The following SH3BGR variants were observed in gnomAD, a reference collection of about 807,000 sequenced individuals.
SH3BGR encodes SH3 domain binding glutamate rich protein.
In SH3BGR, 29 loss-of-function variants were observed where a neutral mutation model predicts 24.5. That is an observed-to-expected ratio of 1.18 (90% CI 0.88 to 1.61). SH3BGR has a LOEUF of 1.61. Among genes scored for constraint, SH3BGR ranks in the 40% most tolerant of loss-of-function variants. SH3BGR has a pLI of 0.00. For missense variants in SH3BGR, 162 were observed against 205.8 expected, an observed-to-expected ratio of 0.79 and a Z score of 1.30; for synonymous variants, 55 against 65.7, an observed-to-expected ratio of 0.84 and a Z score of 0.79.
At chr21:39,487,930 T>C (rs550080301) in intron 3 of SH3BGR, among the ~76,000 whole-genome samples, 1 of 152,270 alleles carries the variant, frequency 6.6e-6, no homozygotes, top group South Asian at 2.1e-4. Context: ...GAAGGAGCTT[T>C]GGAGGAACAT....
chr21:39,457,365 A>G (rs2077675916), intron 1 of SH3BGR, among the ~76,000 whole-genome samples: 1 of 143,450 alleles, frequency 7.0e-6, no homozygotes, highest in Non-Finnish European at 1.5e-5. Flanking sequence ...TATAAATCTT[A>G]TATATAAGAT....
At chr21:39,464,886 T>G (rs2077815005) in intron 2 of SH3BGR, among the ~76,000 whole-genome samples, 1 of 152,172 alleles carries the variant, frequency 6.6e-6, no homozygotes, top group South Asian at 2.1e-4. Context: ...TAAAATCATT[T>G]CTATTATATA....
chr21:39,499,701 G>C, intron 3 of SH3BGR, 122 bp from the exon 4 acceptor site: 1 of 654,270 alleles, frequency 1.5e-6, no homozygotes. Context: ...TGAGTGGGCA[G>C]TCTATGTTTG....
At chr21:39,453,266 G>A (rs1035905805) in intron 1 of SH3BGR, among the ~76,000 whole-genome samples, 1 of 152,224 alleles carries the variant, frequency 6.6e-6, no homozygotes, top group African/African-American at 2.4e-5. Flanking sequence ...TATTGTTTTA[G>A]TGATCTCTAG....
chr21:39,483,282 T>G (rs370247256), intron 3 of SH3BGR, among the ~76,000 whole-genome samples: 1 of 152,348 alleles, frequency 6.6e-6, no homozygotes, highest in East Asian at 1.9e-4. Flanking sequence ...CAATCTCATA[T>G]TTTCAGCAAC....
chr21:39,454,236 G>A (rs1484706851), intron 1 of SH3BGR, among the ~76,000 whole-genome samples: 1 of 152,204 alleles, frequency 6.6e-6, no homozygotes, highest in Non-Finnish European at 1.5e-5. Flanking sequence ...CTACTGTGTG[G>A]CAGTCAGTCT....
At chr21:39,499,607 A>G (rs953310329) in intron 3 of SH3BGR, among the ~76,000 whole-genome samples, 8 of 152,156 alleles carry the variant, frequency 5.3e-5, no homozygotes, top group African/African-American at 1.4e-4. Context: ...TTACCCTGCA[A>G]TGCACATAGG....
At chr21:39,502,156 G>C (rs184711547) in intron 4 of SH3BGR, among the ~76,000 whole-genome samples, 1 of 152,318 alleles carries the variant, frequency 6.6e-6, no homozygotes, top group East Asian at 1.9e-4. Context: ...CTGGGCAATA[G>C]AGTAAGACCA....
At chr21:39,504,299 G>GCA (rs2078545862) in intron 4 of SH3BGR, among the ~76,000 whole-genome samples, 2 of 152,146 alleles carry the variant, frequency 1.3e-5, no homozygotes, top group Admixed American at 6.5e-5. Flanking sequence ...GTCTCAGCCT[G>GCA]GGTCCCTGGA....
intron 1 of SH3BGR, among the ~76,000 whole-genome samples, chr21:39,455,859 A>G (rs1251219947): frequency 2.6e-5 from 4 of 152,192 alleles, no homozygotes; most frequent in Non-Finnish European, 5.9e-5. Flanking sequence ...CAGGGGGCAA[A>G]CAGATTTCAT....
At chr21:39,503,312 C>T (rs1319046703) in intron 4 of SH3BGR, among the ~76,000 whole-genome samples, 1 of 152,186 alleles carries the variant, frequency 6.6e-6, no homozygotes, top group African/African-American at 2.4e-5. Context: ...ACCCAACTTC[C>T]CCAAATGGTG....
intron 2 of SH3BGR, among the ~76,000 whole-genome samples, chr21:39,468,350 T>C (rs1181823886): frequency 6.6e-6 from 1 of 152,234 alleles, no homozygotes; most frequent in Non-Finnish European, 1.5e-5. Flanking sequence ...GTATGCACTA[T>C]CCAGTTTAAG....
At chr21:39,472,887 G>A (rs2077964654) in intron 2 of SH3BGR, among the ~76,000 whole-genome samples, 1 of 151,658 alleles carries the variant, frequency 6.6e-6, no homozygotes, top group East Asian at 1.9e-4. Context: ...TGGTAAAGGT[G>A]TCATGTGTGT....
At chr21:39,507,889 G>A (rs2078611049) in intron 4 of SH3BGR, among the ~76,000 whole-genome samples, 1 of 152,166 alleles carries the variant, frequency 6.6e-6, no homozygotes, top group Admixed American at 6.5e-5. Context: ...CCAAAGAGCT[G>A]GGATTACAGG....
intron 1 of SH3BGR, among the ~76,000 whole-genome samples, chr21:39,454,856 A>G (rs933806101): frequency 3.3e-5 from 5 of 152,200 alleles, no homozygotes; most frequent in African/African-American, 4.8e-5. Flanking sequence ...GTAGTGTGCT[A>G]TGTGGTGCCT....
At chr21:39,514,270 G>A (rs1401761345) in intron 6 of SH3BGR, among the ~76,000 whole-genome samples, 1 of 152,284 alleles carries the variant, frequency 6.6e-6, no homozygotes, top group African/African-American at 2.4e-5. Context: ...TTGAAAAGAC[G>A]ATTTTAGACA....
At chr21:39,470,746 A>T (rs1215575531) in intron 2 of SH3BGR, among the ~76,000 whole-genome samples, 1 of 152,096 alleles carries the variant, frequency 6.6e-6, no homozygotes, top group African/African-American at 2.4e-5. Context: ...TATTAATTTT[A>T]TCTTTACTTC....
At chr21:39,466,514 G>A (rs1035589731) in intron 2 of SH3BGR, among the ~76,000 whole-genome samples, 3 of 152,148 alleles carry the variant, frequency 2.0e-5, no homozygotes, top group African/African-American at 7.2e-5. Context: ...ACCCAGGACT[G>A]GATAATTTAT....
At chr21:39,513,393 A>G (rs76747482) in intron 6 of SH3BGR, among the ~76,000 whole-genome samples, 133 of 152,310 alleles carry the variant, frequency 8.7e-4, no homozygotes, top group African/African-American at 3.1e-3. Flanking sequence ...CCAAAGTCCA[A>G]TTTGAATAGT....
Sources: gnomAD v4.1 joint callset for allele counts (sites outside exome capture counted in the v4.1 genomes callset) on GRCh38, gnomAD v4.1.1 for gene constraint, MANE v1.5 for transcripts, NCBI Gene and HGNC (gene_info 2026-07-23, HGNC 2026-07-21) for gene names.